VPS53: variants seen among roughly 807,000 people sequenced by gnomAD.
The protein encoded by VPS53 is vacuolar protein sorting-associated protein 53 homolog.
In VPS53, 70 loss-of-function variants were observed where a neutral mutation model predicts 107.0. That is an observed-to-expected ratio of 0.65 (90% CI 0.54 to 0.80). The LOEUF (loss-of-function observed/expected upper bound fraction) is 0.80, where lower values mean the gene tolerates loss of function less well. Ranked by LOEUF, VPS53 falls within the 30% of genes least tolerant of loss-of-function variation. VPS53 has a pLI of 0.00. For synonymous variants in VPS53, 409 were observed against 393.3 expected (o/e 1.04, Z -0.47); for missense variants, 917 against 1,049.4 (o/e 0.87, Z 1.74).
chr17:629,032 A>G (rs1472836302), intron 8 of VPS53, among the ~76,000 whole-genome samples: 1 of 152,252 alleles, frequency 6.6e-6, no homozygotes, highest in Non-Finnish European at 1.5e-5. Context: ...CTAAAAAGCC[A>G]TGCATGTAGC....
rs117411136 is a variant in VPS53, at chr17:698,881, T to C, written c.218+450A>G. 2.6e-5 allele frequency among the ~76,000 whole-genome samples: 4 copies of C among 152,042 alleles called. No homozygotes were observed. The East Asian group carries it at 7.7e-4, about 29-fold the overall frequency. ...ACAAAGTTCATATGGATAAAATAATTATATGGCCGGGTGCGGTGGCTCACC... is the reference window on the plus strand; with the variant it reads ...ACAAAGTTCATATGGATAAAATAATCATATGGCCGGGTGCGGTGGCTCACC... On this transcript the variant is annotated intron_variant, in intron 3 of 21. Transcript: ENST00000437048.
intron 11 of VPS53, among the ~76,000 whole-genome samples, chr17:610,780 A>G (rs1298791607): frequency 1.3e-5 from 2 of 151,064 alleles, no homozygotes; most frequent in Admixed American, 6.6e-5. Context: ...AATACAAAAA[A>G]TACAAAAATT....
chr17:636,393 T>C (rs571902181), intron 7 of VPS53, among the ~76,000 whole-genome samples: 8 of 152,338 alleles, frequency 5.3e-5, no homozygotes, highest in South Asian at 2.1e-4. Flanking sequence ...CTTTTCCTAA[T>C]TGAATACCCT....
intron 9 of VPS53, 115 bp downstream of exon 9, chr17:627,973 C>G: frequency 9.2e-7 from 1 of 1,092,292 alleles, no homozygotes; most frequent in Non-Finnish European, 1.3e-6. Flanking sequence ...CACAGCTCAA[C>G]AACCAACACT....
intron 13 of VPS53, among the ~76,000 whole-genome samples, chr17:579,293 C>G (rs1318837301): frequency 6.6e-6 from 1 of 150,816 alleles, no homozygotes; most frequent in East Asian, 2.0e-4. Context: ...CCCTCAGAAC[C>G]TAATGCGTTC....
At chr17:646,141 T>A in intron 7 of VPS53, among the ~76,000 whole-genome samples, 1 of 121,046 alleles carries the variant, frequency 8.3e-6, no homozygotes, top group Non-Finnish European at 1.8e-5. Flanking sequence ...GCGTGGCCTC[T>A]GCCTGATAAG....
intron 15 of VPS53, among the ~76,000 whole-genome samples, chr17:554,548 C>T (rs1422466943): frequency 5.9e-5 from 9 of 152,074 alleles, no homozygotes; most frequent in Admixed American, 3.3e-4. Flanking sequence ...GGACTACAGG[C>T]GTGCATCACC....
chr17:642,845 CGAGGACAACACTCATACTTGGAAAT>C (rs1403678511), intron 7 of VPS53, among the ~76,000 whole-genome samples: 22 of 147,356 alleles, frequency 1.5e-4, no homozygotes, highest in African/African-American at 5.0e-4. Context: ...ACTTGGAAAG[CGAGGACAACACTCATACTTGGAAAT>C]CGAGGACAAC....
chr17:676,623 G>A (rs139046864), intron 4 of VPS53, among the ~76,000 whole-genome samples: 100 of 152,288 alleles, frequency 6.6e-4, no homozygotes, highest in African/African-American at 2.3e-3. Context: ...GGCTCCTGAA[G>A]ACTGCCAGTT....
chr17:521,986 G>A (rs999823903), intron 19 of VPS53, among the ~76,000 whole-genome samples: 2 of 152,166 alleles, frequency 1.3e-5, no homozygotes, highest in Non-Finnish European at 2.9e-5. Context: ...AGGAGCCGTG[G>A]CTCACACCTG....
intron 13 of VPS53, among the ~76,000 whole-genome samples, chr17:574,351 T>C (rs1597324900): frequency 6.6e-6 from 1 of 152,286 alleles, no homozygotes; most frequent in African/African-American, 2.4e-5. Flanking sequence ...GAGTATACTT[T>C]GTATAAATCA....
intron 4 of VPS53, among the ~76,000 whole-genome samples, chr17:666,747 T>C (rs917554714): frequency 2.0e-5 from 3 of 151,928 alleles, no homozygotes; most frequent in Non-Finnish European, 4.4e-5. Flanking sequence ...GTGAAACCCC[T>C]GTCTCTACTA....
intron 13 of VPS53, among the ~76,000 whole-genome samples, chr17:564,945 T>G (rs1234074595): frequency 6.6e-6 from 1 of 152,176 alleles, no homozygotes; most frequent in African/African-American, 2.4e-5. Flanking sequence ...ACTCCTGACA[T>G]GTTGCATCTT....
rs138930193 is a variant in VPS53 at position 644,669 on chromosome 17, C to T, written c.608+8622G>A. 1.8e-3 allele frequency among the ~76,000 whole-genome samples: 279 copies of T among 152,158 alleles called. 1 individual carries two copies. Among genetic ancestry groups the T allele is most frequent in the African/African-American group, 6.5e-3 (268 of 41,512 alleles). ...CACAGTCTCGGCTCACTGCAGCCTC[C>T]ACTTCCGGAGCTCAAGTGATCCTCC... On this transcript the variant is annotated intron_variant, in intron 7 of 21. Transcript: ENST00000437048.
chr17:634,646 T>C (rs1218883765), intron 7 of VPS53, among the ~76,000 whole-genome samples: 1 of 149,748 alleles, frequency 6.7e-6, no homozygotes, highest in Non-Finnish European at 1.5e-5. Flanking sequence ...ACATGCAGTG[T>C]TTGGTTTTTT....
At chr17:647,861 G>A (rs574344328) in intron 7 of VPS53, among the ~76,000 whole-genome samples, 66 of 152,332 alleles carry the variant, frequency 4.3e-4, no homozygotes, top group African/African-American at 1.5e-3. Context: ...CTTCCTGGTA[G>A]GAAGGATGAC....
Position 714,750 on chromosome 17 carries a change from A to G in VPS53, c.-41T>C, listed in dbSNP as rs541128999. 2.1e-5 allele frequency: 34 copies of G among 1,608,864 alleles called. 1 individual carries two copies. The highest frequency in any genetic ancestry group is 8.0e-5 in the African/African-American group (6 of 74,832). On this transcript the variant is annotated 5_prime_UTR_variant, in exon 1 of 22. Coordinates refer to ENST00000437048, the MANE Select transcript of VPS53 (RefSeq NM_001128159.3). Reference sequence around the variant, plus strand: ...CCTGCCGACCCCCGCCGCGAGCCCAACTCAGGCCTCCAGCCGCCACCCAGG... The same window carrying G: ...CCTGCCGACCCCCGCCGCGAGCCCAGCTCAGGCCTCCAGCCGCCACCCAGG...
chr17:612,640 C>G (rs532845957), intron 11 of VPS53, among the ~76,000 whole-genome samples: 2 of 150,362 alleles, frequency 1.3e-5, no homozygotes, highest in Admixed American at 6.6e-5. Context: ...TGAGTTCACA[C>G]AGCGAAAACC....
intron 13 of VPS53, among the ~76,000 whole-genome samples, chr17:569,430 T>G (rs565365443): frequency 2.4e-4 from 36 of 152,286 alleles, no homozygotes; most frequent in Non-Finnish European, 4.9e-4. Flanking sequence ...CTGTACTATT[T>G]GTGAAATTTT....
Sources: allele counts gnomAD v4.1 joint callset (sites outside exome capture counted in the v4.1 genomes callset), GRCh38; gene constraint gnomAD v4.1.1; transcripts MANE v1.5; gene names NCBI Gene and HGNC (gene_info 2026-07-23, HGNC 2026-07-21).